HDAC9: variants seen among roughly 807,000 people sequenced by gnomAD.
HDAC9 encodes the protein histone deacetylase 9, also known as MEF-2 interacting transcription repressor (MITR) protein.
HDAC9 carries 41 observed loss-of-function variants against 139.4 expected under a neutral mutation model. That is an observed-to-expected ratio of 0.29 (90% confidence interval 0.23 to 0.38). The LOEUF (loss-of-function observed/expected upper bound fraction) is 0.38. Ranked by LOEUF, HDAC9 falls within the 10% of genes least tolerant of loss-of-function variation. The pLI, the probability that HDAC9 is intolerant of heterozygous loss-of-function variation, is 1.00. For missense variants in HDAC9, 1,147 were observed against 1,297.0 expected, an observed-to-expected ratio of 0.88 and a Z score of 1.78; for synonymous variants, 517 against 476.2, an observed-to-expected ratio of 1.09 and a Z score of -1.12.
chr7:18,905,101 G>A (rs1802106548), intron 22 of HDAC9, among the ~76,000 whole-genome samples: 2 of 150,774 alleles, frequency 1.3e-5, no homozygotes, highest in Admixed American at 1.3e-4. Context: ...ATGTTGGCCA[G>A]GTTGGTCTCA....
chr7:18,703,679 G>C (rs1783674723), intron 12 of HDAC9, among the ~76,000 whole-genome samples: 1 of 151,704 alleles, frequency 6.6e-6, no homozygotes, highest in African/African-American at 2.4e-5. Flanking sequence ...AAACAATGAA[G>C]AGAGATCAAC....
chr7:18,602,911 C>T (rs970605433), intron 6 of HDAC9, among the ~76,000 whole-genome samples: 2 of 152,074 alleles, frequency 1.3e-5, no homozygotes, highest in Non-Finnish European at 2.9e-5. Flanking sequence ...AAGTCTCCAA[C>T]CGTAATAGGT....
At chr7:18,359,233 A>C (rs1783578241) in intron 1 of HDAC9, among the ~76,000 whole-genome samples, 1 of 152,142 alleles carries the variant, frequency 6.6e-6, no homozygotes, top group African/African-American at 2.4e-5. Flanking sequence ...GTGCACACCC[A>C]GCAACTTGGG....
At chr7:18,730,763 C>T (rs903928976) in intron 13 of HDAC9, among the ~76,000 whole-genome samples, 1 of 152,154 alleles carries the variant, frequency 6.6e-6, no homozygotes, top group African/African-American at 2.4e-5. Flanking sequence ...TAGAAGATTC[C>T]TTCTTACTGT....
At chr7:18,384,221 G>T (rs903871166) in intron 1 of HDAC9, among the ~76,000 whole-genome samples, 1 of 151,988 alleles carries the variant, frequency 6.6e-6, no homozygotes, top group Non-Finnish European at 1.5e-5. Context: ...TGAGGTGGGA[G>T]GATTGCTTGA....
At position 18,997,841 on chromosome 7, in the gene HDAC9, A is replaced by C. The variant is rs1026389791; in HGVS notation, c.*1779A>C. On this transcript the variant is annotated 3_prime_UTR_variant, in exon 26 of 26. Transcript: ENST00000686413. The stretch of plus-strand genomic sequence containing the variant: ...TTAAAGACTTTTATTACATATACAA[A>C]AATGGCTCAATACTTGGTTTAACTT... 1 of 152,174 alleles carries C rather than the reference A, an allele frequency of 6.6e-6. No homozygotes were observed. Among genetic ancestry groups the C allele is most frequent in the Non-Finnish European group, 1.5e-5 (1 of 68,008 alleles). The allele number at this position is 152,174 out of a possible 1,614,324, so 9.4% of individuals were successfully genotyped here. A position where few individuals can be genotyped will look rare whatever the true frequency, so the allele number is the denominator to read the frequency against.
At chr7:18,750,278 T>C (rs1020826109) in intron 14 of HDAC9, among the ~76,000 whole-genome samples, 1 of 152,212 alleles carries the variant, frequency 6.6e-6, no homozygotes, top group African/African-American at 2.4e-5. Context: ...TGGATTTGTT[T>C]CTTTAAAGGG....
intron 21 of HDAC9, among the ~76,000 whole-genome samples, chr7:18,859,175 T>C (rs1797904953): frequency 6.6e-6 from 1 of 152,142 alleles, no homozygotes; most frequent in Admixed American, 6.6e-5. Flanking sequence ...ATTGTGATCA[T>C]TGCAACATTA....
Position 18,719,380 on chromosome 7 carries a change from C to T in HDAC9, c.1732-8200C>T, listed in dbSNP as rs1784967395. Among the ~76,000 whole-genome samples the T allele has an allele frequency of 3.3e-5, 3 of 91,058 alleles. No individual in the cohort carries two copies. In the South Asian group the frequency reaches 1.2e-3, roughly 36 times the overall value. 59.7% of individuals were successfully genotyped at this position (91,058 alleles called of 152,430 possible). On this transcript the variant is annotated intron_variant, in intron 12 of 25. Coordinates refer to ENST00000686413, the MANE Select transcript of HDAC9 (RefSeq NM_178425.4). ...TTTGAGATGGAGTTTTGTCTTGTCG[C>T]CCAGGCTGGAGTGCAATGGCACGAT...
At chr7:18,198,174 A>G (rs1012585765) in intron 2 of HDAC9, among the ~76,000 whole-genome samples, 4 of 152,170 alleles carry the variant, frequency 2.6e-5, no homozygotes, top group East Asian at 3.8e-4. Context: ...ATCAAAACAC[A>G]TATAATCTTG....
chr7:18,304,618 C>G (rs1475783397), intron 1 of HDAC9, among the ~76,000 whole-genome samples: 1 of 151,948 alleles, frequency 6.6e-6, no homozygotes, highest in Non-Finnish European at 1.5e-5. Context: ...TTCTCTTTGA[C>G]AAAAAAGTAA....
chr7:18,862,163 C>A (rs932741076), intron 21 of HDAC9, among the ~76,000 whole-genome samples: 1 of 152,114 alleles, frequency 6.6e-6, no homozygotes, highest in Non-Finnish European at 1.5e-5. Context: ...ACTTTAGAAT[C>A]GTTCTGAAAG....
intron 1 of HDAC9, among the ~76,000 whole-genome samples, chr7:18,296,921 C>T (rs1798189077): frequency 6.6e-6 from 1 of 152,162 alleles, no homozygotes; most frequent in African/African-American, 2.4e-5. Context: ...AGCACACAGG[C>T]TGAGACAGAC....
At chr7:18,194,986 A>C (rs1703748614) in intron 2 of HDAC9, among the ~76,000 whole-genome samples, 1 of 151,696 alleles carries the variant, frequency 6.6e-6, no homozygotes, top group Non-Finnish European at 1.5e-5. Context: ...TATAAGGAGG[A>C]AAGGTTGGTT....
chr7:18,599,731 GA>G (rs1352081667), intron 6 of HDAC9, among the ~76,000 whole-genome samples: 2 of 152,118 alleles, frequency 1.3e-5, no homozygotes, highest in East Asian at 1.9e-4. Flanking sequence ...TGGTGATTAT[GA>G]ATAAGCTGCT....
At chr7:18,293,758 A>G (rs1175526044) in intron 1 of HDAC9, among the ~76,000 whole-genome samples, 1 of 151,976 alleles carries the variant, frequency 6.6e-6, no homozygotes, top group African/African-American at 2.4e-5. Flanking sequence ...CAGTAATGTA[A>G]TTTCTGGTGG....
intron 13 of HDAC9, among the ~76,000 whole-genome samples, chr7:18,736,312 T>C (rs531461921): frequency 1.3e-5 from 2 of 152,308 alleles, no homozygotes; most frequent in African/African-American, 2.4e-5. Context: ...TGTCTTGTGC[T>C]GGTTTTCAAA....
At chr7:18,641,522 G>C (rs551869699) in intron 8 of HDAC9, among the ~76,000 whole-genome samples, 1 of 152,172 alleles carries the variant, frequency 6.6e-6, no homozygotes, top group South Asian at 2.1e-4. Context: ...TAATTGTTTT[G>C]TGAAGGTTAA....
chr7:18,857,928 A>T (rs573128159), intron 21 of HDAC9, among the ~76,000 whole-genome samples: 1 of 152,280 alleles, frequency 6.6e-6, no homozygotes, highest in Non-Finnish European at 1.5e-5. Flanking sequence ...AAACAAGCTA[A>T]TTTTTTAAAT....
Sources: gnomAD v4.1 joint callset for allele counts (sites outside exome capture counted in the v4.1 genomes callset) on GRCh38, gnomAD v4.1.1 for gene constraint, MANE v1.5 for transcripts, NCBI Gene and HGNC (gene_info 2026-07-23, HGNC 2026-07-21) for gene names.